The following BPNT2 variants were observed in gnomAD, a reference collection of about 807,000 sequenced individuals.
The protein encoded by BPNT2 is Golgi-resident adenosine 3',5'-bisphosphate 3'-phosphatase.
BPNT2 carries 11 observed loss-of-function variants against 29.3 expected under a neutral mutation model. The observed-to-expected ratio is 0.38, with a 90% confidence interval of 0.24 to 0.62. The LOEUF (loss-of-function observed/expected upper bound fraction) is 0.62. Ranked by LOEUF, BPNT2 falls within the 20% of genes least tolerant of loss-of-function variation. The pLI is 0.62. For synonymous variants in BPNT2, 195 were observed against 187.7 expected, an observed-to-expected ratio of 1.04 and a Z score of -0.32; for missense variants, 459 against 473.4, an observed-to-expected ratio of 0.97 and a Z score of 0.28.
chr8:56,982,247 C>T (rs1241158158), intron 1 of BPNT2, among the ~76,000 whole-genome samples: 6 of 151,816 alleles, frequency 4.0e-5, no homozygotes, highest in Non-Finnish European at 7.4e-5. Context: ...CCTCAGCCTC[C>T]GAGTAGCTGG....
intron 1 of BPNT2, among the ~76,000 whole-genome samples, chr8:56,988,775 C>G (rs1806366240): frequency 6.6e-6 from 1 of 152,180 alleles, no homozygotes; most frequent in Non-Finnish European, 1.5e-5. Context: ...AAAGGCATCT[C>G]TAACATAGCA....
chr8:56,966,021 T>G (rs557027401), intron 4 of BPNT2, among the ~76,000 whole-genome samples, 170 bp downstream of exon 4: 6 of 152,038 alleles, frequency 3.9e-5, no homozygotes, highest in Non-Finnish European at 5.9e-5. Flanking sequence ...AAGGGCAGAG[T>G]GACTAAAATC....
At chr8:56,980,351 G>GA in intron 1 of BPNT2, among the ~76,000 whole-genome samples, 154 bp from the exon 2 acceptor site, 1 of 150,040 alleles carries the variant, frequency 6.7e-6, no homozygotes, top group Admixed American at 6.6e-5. Flanking sequence ...AAATGAAAAT[G>GA]AAAATGAAAA....
At chr8:56,982,672 A>G (rs1806264239) in intron 1 of BPNT2, among the ~76,000 whole-genome samples, 1 of 152,200 alleles carries the variant, frequency 6.6e-6, no homozygotes. Flanking sequence ...GAAAAAATAA[A>G]GACCAAAAGG....
chr8:56,981,396 C>G (rs1806240704), intron 1 of BPNT2, among the ~76,000 whole-genome samples: 1 of 152,142 alleles, frequency 6.6e-6, no homozygotes. Flanking sequence ...AAAACCCCAT[C>G]TCTACTAAAA....
chr8:56,966,961 A>T, intron 3 of BPNT2: 1 of 340,638 alleles, frequency 2.9e-6, no homozygotes, highest in Non-Finnish European at 5.8e-6. Context: ...TATCAGCCTT[A>T]TCAGAGAGTA....
At chr8:56,981,110 C>G (rs887537911) in intron 1 of BPNT2, among the ~76,000 whole-genome samples, 1 of 152,006 alleles carries the variant, frequency 6.6e-6, no homozygotes. Context: ...GCCACTAGAA[C>G]GCACCAGATG....
Position 56,963,753 on chromosome 8 carries a change from A to G in BPNT2, c.*40T>C. ...AAGCTTCCAGCATCTCAGGCTAACC[A>G]TTTCAGCTGTGAAGAACTGTACCCT... is the stretch of plus-strand genomic sequence containing the variant. On this transcript the variant is annotated 3_prime_UTR_variant, in exon 5 of 5. Coordinates refer to ENST00000262644, the MANE Select transcript of BPNT2 (RefSeq NM_017813.5). 1.2e-6 allele frequency: 2 copies of G among 1,611,068 alleles called. No individual in the cohort carries two copies. Among genetic ancestry groups the G allele is most frequent in the Non-Finnish European group, 1.7e-6 (2 of 1,177,484 alleles).
At chr8:56,973,840 T>C (rs1806078079) in intron 3 of BPNT2, among the ~76,000 whole-genome samples, 1 of 152,146 alleles carries the variant, frequency 6.6e-6, no homozygotes. Flanking sequence ...CTAAAGCAAA[T>C]AAGGAAGGAT....
At chr8:56,966,018 G>A (rs1805941788) in intron 4 of BPNT2, among the ~76,000 whole-genome samples, 173 bp downstream of exon 4, 1 of 152,192 alleles carries the variant, frequency 6.6e-6, no homozygotes. Context: ...AAGAAGGGCA[G>A]AGTGACTAAA....
chr8:56,973,018 G>A (rs12679713), intron 3 of BPNT2, among the ~76,000 whole-genome samples: 10,899 of 152,034 alleles, frequency 0.072, 582 homozygotes, highest in East Asian at 0.27. Flanking sequence ...GCTAACCCCC[G>A]AGTCTTGAAA....
At chr8:56,977,953 A>T (rs980215419) in intron 3 of BPNT2, 97 bp downstream of exon 3, 1 of 832,040 alleles carries the variant, frequency 1.2e-6, no homozygotes, top group Admixed American at 1.7e-5. Context: ...TAGGAAACTA[A>T]TATAGGAGTG....
intron 3 of BPNT2, among the ~76,000 whole-genome samples, chr8:56,976,779 C>T (rs1028864027): frequency 2.6e-5 from 4 of 152,166 alleles, no homozygotes; most frequent in Non-Finnish European, 4.4e-5. Flanking sequence ...TTATCAGTCA[C>T]GCCCTTAAGA....
At chr8:56,969,790 T>C (rs556420269) in intron 3 of BPNT2, among the ~76,000 whole-genome samples, 1 of 152,324 alleles carries the variant, frequency 6.6e-6, no homozygotes, top group Admixed American at 6.5e-5. Context: ...AGTAGTTGTC[T>C]GAACCACACT....
In BPNT2 at chr8:56,958,686, T is replaced by C. The variant is rs576750743; in HGVS notation, c.*5107A>G. On this transcript the variant is annotated 3_prime_UTR_variant, in exon 5 of 5. Coordinates refer to ENST00000262644, the MANE Select transcript of BPNT2 (RefSeq NM_017813.5). ...GTTTTAGTGTAAACTCAATCCCTTGTGCATATACATCTAGTTCCTGAAGTC... is the reference window on the plus strand; with the variant it reads ...GTTTTAGTGTAAACTCAATCCCTTGCGCATATACATCTAGTTCCTGAAGTC... 1 of 152,320 alleles carries C rather than the reference T, an allele frequency of 6.6e-6. No individual in the cohort carries two copies. Among genetic ancestry groups the C allele is most frequent in the South Asian group, 2.1e-4 (1 of 4,822 alleles). 9.4% of individuals were successfully genotyped at this position (152,320 alleles called of 1,614,324 possible).
rs1455918108 is a variant in BPNT2 at position 56,978,046 on chromosome 8, A to C, written c.646+4T>G. ...ATTCTTGAAAGTTCTAGCAAATTTC[A>C]TACCTGTATATTCGGAAAATGGCTT... On this transcript the variant is annotated splice_donor_region_variant and intron_variant, in intron 3 of 4. Transcript: ENST00000262644. 4 of 1,529,168 alleles carry C rather than the reference A, an allele frequency of 2.6e-6. No individual in the cohort carries two copies. Among genetic ancestry groups the C allele is most frequent in the East Asian group, 2.3e-5 (1 of 44,400 alleles). 94.7% of individuals were successfully genotyped at this position (1,529,168 alleles called of 1,614,324 possible).
intron 3 of BPNT2, among the ~76,000 whole-genome samples, chr8:56,977,283 G>A (rs1245260096): frequency 6.6e-6 from 1 of 152,064 alleles, no homozygotes; most frequent in East Asian, 1.9e-4. Flanking sequence ...CAAGGGGTCA[G>A]CAGGGTTAGT....
intron 1 of BPNT2, among the ~76,000 whole-genome samples, chr8:56,988,833 C>A: frequency 6.6e-6 from 1 of 152,172 alleles, no homozygotes; most frequent in Non-Finnish European, 1.5e-5. Context: ...ACCACCACTC[C>A]CCTTCACCAG....
chr8:56,991,148 A>G lies in BPNT2; in HGVS notation c.387+2051T>C, dbSNP rs573400491. On this transcript the variant is annotated intron_variant, in intron 1 of 4. Transcript: ENST00000262644. ...GGCTACAATATTTGGCCTCTAGCCT[A>G]TAACACAGGGGTATAAGGAGATCGC... Among the ~76,000 whole-genome samples the G allele has an allele frequency of 9.8e-5, 15 of 152,352 alleles. No homozygotes were observed. In the East Asian group the frequency reaches 1.2e-3, roughly 12 times the overall value.
Sources: allele counts gnomAD v4.1 joint callset (sites outside exome capture counted in the v4.1 genomes callset), GRCh38; gene constraint gnomAD v4.1.1; transcripts MANE v1.5; gene names NCBI Gene and HGNC (gene_info 2026-07-23, HGNC 2026-07-21).